The following VPS13C variants were observed in gnomAD, a reference collection of about 807,000 sequenced individuals.
The protein encoded by VPS13C is vacuolar protein sorting 13 homolog C, also known as intermembrane lipid transfer protein VPS13C.
VPS13C carries 358 observed loss-of-function variants against 456.8 expected under a neutral mutation model. The ratio of observed to expected loss-of-function variants is 0.78; its 90% CI spans 0.72 to 0.86. The LOEUF (loss-of-function observed/expected upper bound fraction) is 0.86. Ranked by LOEUF, VPS13C falls within the 40% of genes least tolerant of loss-of-function variation. VPS13C has a pLI of 0.00. For synonymous variants in VPS13C, 1,578 were observed against 1,486.7 expected, an observed-to-expected ratio of 1.06 and a Z score of -1.41; for missense variants, 4,818 against 4,385.4, an observed-to-expected ratio of 1.10 and a Z score of -2.79.
chr15:61,915,175 C>A (rs116743485), intron 61 of VPS13C, among the ~76,000 whole-genome samples: 1,745 of 152,016 alleles, frequency 0.011, 31 homozygotes, highest in African/African-American at 0.04. Flanking sequence ...GTGAGGGATA[C>A]CAAAATGTGA....
At chr15:61,986,098 C>CACACAT (rs1044838435) in intron 18 of VPS13C, among the ~76,000 whole-genome samples, 8 of 151,144 alleles carry the variant, frequency 5.3e-5, no homozygotes, top group African/African-American at 7.3e-5. Flanking sequence ...CACACACTCT[C>CACACAT]ACACATACAC....
At chr15:61,869,266 C>T (rs561545243) in intron 80 of VPS13C, among the ~76,000 whole-genome samples, 81 of 151,702 alleles carry the variant, frequency 5.3e-4, no homozygotes, top group Non-Finnish European at 1.0e-3. Context: ...TACAGGTGCC[C>T]GCCACCACGC....
chr15:61,890,045 C>T, intron 67 of VPS13C, 120 bp downstream of exon 67: 1 of 855,194 alleles, frequency 1.2e-6, no homozygotes, highest in Non-Finnish European at 1.8e-6. Flanking sequence ...GTAAGCTTTA[C>T]TGAATAAATA....
At chr15:61,917,166 A>AATGT (rs2140166803) in intron 60 of VPS13C, among the ~76,000 whole-genome samples, 175 bp downstream of exon 60, 1 of 152,328 alleles carries the variant, frequency 6.6e-6, no homozygotes, top group South Asian at 2.1e-4. Context: ...CACACAGAGC[A>AATGT]GTTCCTGGCA....
At chr15:61,967,190 T>C (rs2045403368) in intron 29 of VPS13C, among the ~76,000 whole-genome samples, 178 bp downstream of exon 29, 2 of 151,936 alleles carry the variant, frequency 1.3e-5, no homozygotes, top group Admixed American at 6.6e-5. Flanking sequence ...TGTATAATAA[T>C]AGCCCCGTAC....
chr15:61,889,180 T>A (rs1008552377), intron 67 of VPS13C, among the ~76,000 whole-genome samples: 1 of 152,042 alleles, frequency 6.6e-6, no homozygotes. Context: ...GGACAGCATA[T>A]ACAATATTAA....
intron 42 of VPS13C, among the ~76,000 whole-genome samples, chr15:61,948,554 G>A (rs1399757860): frequency 6.6e-6 from 1 of 151,958 alleles, no homozygotes; most frequent in Non-Finnish European, 1.5e-5. Flanking sequence ...ATGGTGGTGA[G>A]CACCTGTAAT....
At chr15:61,856,523 A>G in intron 82 of VPS13C, 114 bp from the exon 83 acceptor site, 1 of 1,239,282 alleles carries the variant, frequency 8.1e-7, no homozygotes, top group Non-Finnish European at 1.1e-6. Context: ...AACAATATAA[A>G]CTGGCACTAA....
chr15:61,947,610 A>ATTC (rs1330675690), intron 42 of VPS13C, among the ~76,000 whole-genome samples: 1 of 152,114 alleles, frequency 6.6e-6, no homozygotes, highest in Non-Finnish European at 1.5e-5. Context: ...AAAAGAAAAC[A>ATTC]TTCTATATTA....
intron 1 of VPS13C, among the ~76,000 whole-genome samples, chr15:62,053,681 T>C (rs1287186976): frequency 1.3e-5 from 2 of 152,314 alleles, no homozygotes; most frequent in African/African-American, 2.4e-5. Flanking sequence ...GTCAGAGACA[T>C]GCCAAAAGCC....
At chr15:62,055,477 G>A (rs1008551869) in intron 1 of VPS13C, among the ~76,000 whole-genome samples, 2 of 149,134 alleles carry the variant, frequency 1.3e-5, no homozygotes, top group African/African-American at 2.5e-5. Context: ...TCCTGACCTC[G>A]TGATCTGCCT....
intron 74 of VPS13C, among the ~76,000 whole-genome samples, 165 bp downstream of exon 74, chr15:61,878,442 A>G (rs1197040699): frequency 6.6e-6 from 1 of 151,992 alleles, no homozygotes; most frequent in African/African-American, 2.4e-5. Context: ...TATGAATACA[A>G]TAAGCATTCC....
At chr15:61,918,633 T>C (rs770831326) in intron 58 of VPS13C, among the ~76,000 whole-genome samples, 2 of 151,912 alleles carry the variant, frequency 1.3e-5, no homozygotes, top group African/African-American at 2.4e-5. Flanking sequence ...ATGAGAAAAA[T>C]AGTACAATTC....
At chr15:61,927,008 A>C in intron 52 of VPS13C, 83 bp downstream of exon 52, 10 of 1,177,098 alleles carry the variant, frequency 8.5e-6, no homozygotes, top group African/African-American at 1.5e-5. Context: ...AAGTCCCTGC[A>C]GAGCTCTCAT....
chr15:61,906,139 T>C (rs929733424), intron 66 of VPS13C, among the ~76,000 whole-genome samples: 1 of 152,196 alleles, frequency 6.6e-6, no homozygotes, highest in African/African-American at 2.4e-5. Flanking sequence ...GTAAACCTAG[T>C]GTTTGCCAAC....
rs749576824 is a variant in VPS13C at position 62,010,456 on chromosome 15, T to G, written c.1011+16A>C. 8.9e-6 allele frequency: 14 copies of G among 1,572,122 alleles called. No individual in the cohort carries two copies. In the South Asian group the frequency reaches 1.4e-4, roughly 16 times the overall value. ...TCAAGGCTAATCAAAGCTGGAAATA[T>G]CCACATGAATCATACCTGAGGTTTG... is the stretch of plus-strand genomic sequence containing the variant. On this transcript the variant is annotated intron_variant, in intron 13 of 84. Transcript: ENST00000644861.
At chr15:61,970,895 GA>G (rs1055724036) in intron 27 of VPS13C, among the ~76,000 whole-genome samples, 9 of 148,420 alleles carry the variant, frequency 6.1e-5, no homozygotes, top group Admixed American at 2.7e-4. Flanking sequence ...AGCCATGCAG[GA>G]AAAGAGTGTT....
chr15:61,875,024 G>A (rs946090034), intron 76 of VPS13C, 73 bp from the exon 77 acceptor site: 2 of 1,316,774 alleles, frequency 1.5e-6, no homozygotes, highest in South Asian at 1.8e-5. Context: ...AATAGTTCAG[G>A]GTTTGCAAGA....
Position 61,854,873 on chromosome 15 carries a change from C to A in VPS13C, c.11158G>T (p.Glu3720Ter). 1 of 1,610,228 alleles carries A rather than the reference C, an allele frequency of 6.2e-7. No individual in the cohort carries two copies. Among genetic ancestry groups the A allele is most frequent in the Non-Finnish European group, 8.5e-7 (1 of 1,178,990 alleles). The change falls in exon 84 of 85, where the codon GAG (glutamate) becomes TAG (stop). Residue 3720 changes from glutamate to a stop codon, truncating the protein, a stop_gained and splice_region_variant. Transcript: ENST00000644861. LOFTEE classifies it low-confidence loss of function (END_TRUNC). Reference sequence around the variant, plus strand: ...GGCATGCTCTTTAAATTGTTTACCTCTGCTGTGGCGGTGTCCTTCAGGTAA... The same window carrying A: ...GGCATGCTCTTTAAATTGTTTACCTATGCTGTGGCGGTGTCCTTCAGGTAA... Reference protein sequence around the residue: ...KVYLKDTATAERACNAIEDAQ... With the variant: ...KVYLKDTATA
Sources: gnomAD v4.1 joint callset for allele counts (sites outside exome capture counted in the v4.1 genomes callset) on GRCh38, gnomAD v4.1.1 for gene constraint, MANE v1.5 for transcripts, NCBI Gene and HGNC (gene_info 2026-07-23, HGNC 2026-07-21) for gene names.